Variants in MED13L observed in about 807,000 individuals in gnomAD.
MED13L encodes the protein mediator of RNA polymerase II transcription subunit 13-like.
Under a neutral mutation model 220.9 loss-of-function variants are expected in MED13L, and 7 were observed. That is an observed-to-expected ratio of 0.03 (90% CI 0.02 to 0.06). MED13L has a LOEUF of 0.06. MED13L is among the 10% of genes least tolerant of loss of function. The pLI, the probability that MED13L is intolerant of heterozygous loss-of-function variation, is 1.00. For missense variants in MED13L, 1,965 were observed against 2,760.5 expected (o/e 0.71, Z 6.46); for synonymous variants, 1,011 against 1,015.2 (o/e 1.00, Z 0.08).
chr12:116,149,580 T>A (rs1186258120), intron 2 of MED13L, among the ~76,000 whole-genome samples: 2 of 152,230 alleles, frequency 1.3e-5, no homozygotes, highest in African/African-American at 4.8e-5. Context: ...AAAAACAGTA[T>A]CCGGTATTTG....
At chr12:116,238,454 G>A (rs1477285789) in intron 1 of MED13L, among the ~76,000 whole-genome samples, 1 of 152,152 alleles carries the variant, frequency 6.6e-6, no homozygotes, top group Admixed American at 6.5e-5. Context: ...TAAGTTAAGA[G>A]CTAAACTTCA....
At chr12:116,138,127 A>C (rs61936962) in intron 2 of MED13L, among the ~76,000 whole-genome samples, 22,638 of 152,180 alleles carry the variant, frequency 0.15, 1,931 homozygotes, top group Middle Eastern at 0.22. Context: ...AAGTGCTGGG[A>C]TTGCAGGCGT....
chr12:116,079,456 G>A (rs558611677), intron 4 of MED13L, among the ~76,000 whole-genome samples: 1 of 152,190 alleles, frequency 6.6e-6, no homozygotes, highest in East Asian at 1.9e-4. Flanking sequence ...GAACTCCTAG[G>A]CTCAAGGGAT....
At position 116,223,738 on chromosome 12, in the gene MED13L, G is replaced by C. The variant is rs1868674441; in HGVS notation, c.310+13730C>G. On this transcript the variant is annotated intron_variant, in intron 2 of 30. Transcript: ENST00000281928. The stretch of plus-strand genomic sequence containing the variant: ...AATAAAAAATAAGATACTGCAAAAA[G>C]AGAAGAAAATTATATCACTGTTTTT... 2.6e-5 allele frequency among the ~76,000 whole-genome samples: 4 copies of C among 152,026 alleles called. No homozygotes were observed. In the East Asian group the frequency reaches 5.8e-4, roughly 22 times the overall value.
intron 1 of MED13L, among the ~76,000 whole-genome samples, chr12:116,265,869 C>T (rs1872793886): frequency 6.6e-6 from 1 of 152,210 alleles, no homozygotes; most frequent in Non-Finnish European, 1.5e-5. Context: ...GAATGCCCTT[C>T]CCCTTCTTCT....
intron 2 of MED13L, among the ~76,000 whole-genome samples, chr12:116,192,322 A>G (rs180831954): frequency 2.0e-5 from 3 of 152,352 alleles, no homozygotes; most frequent in Non-Finnish European, 2.9e-5. Context: ...TCTGTTAGTT[A>G]TATTTGTTTT....
chr12:116,012,741 T>A, intron 9 of MED13L, 56 bp downstream of exon 9: 1 of 1,220,514 alleles, frequency 8.2e-7, no homozygotes, highest in Non-Finnish European at 1.2e-6. Context: ...AGGAGATGAA[T>A]CAACAAGATG....
chr12:116,093,327 A>G (rs1314054881), intron 4 of MED13L, among the ~76,000 whole-genome samples: 1 of 152,176 alleles, frequency 6.6e-6, no homozygotes. Flanking sequence ...AAAGATGTCA[A>G]TATAGAGAAA....
chr12:116,244,031 A>G (rs1870880948), intron 1 of MED13L, among the ~76,000 whole-genome samples: 1 of 152,226 alleles, frequency 6.6e-6, no homozygotes, highest in Non-Finnish European at 1.5e-5. Flanking sequence ...AACTATTGAA[A>G]GAGTCCTCAG....
chr12:116,152,236 T>C (rs1387267848), intron 2 of MED13L, among the ~76,000 whole-genome samples: 1 of 152,176 alleles, frequency 6.6e-6, no homozygotes, highest in Non-Finnish European at 1.5e-5. Flanking sequence ...GAATAAAAAG[T>C]AGTTTTTGTA....
chr12:116,249,378 C>T (rs889231705), intron 1 of MED13L, among the ~76,000 whole-genome samples: 7 of 152,036 alleles, frequency 4.6e-5, no homozygotes, highest in African/African-American at 1.7e-4. Context: ...AACTACCAGC[C>T]AATACAAAAT....
At chr12:116,079,501 C>T (rs1871073540) in intron 4 of MED13L, among the ~76,000 whole-genome samples, 1 of 152,014 alleles carries the variant, frequency 6.6e-6, no homozygotes, top group Non-Finnish European at 1.5e-5. Flanking sequence ...GCTCAGATTA[C>T]GAGCATGAGC....
At chr12:115,980,656 T>C in intron 23 of MED13L, 94 bp downstream of exon 23, 1 of 1,370,462 alleles carries the variant, frequency 7.3e-7, no homozygotes, top group Non-Finnish European at 1.0e-6. Flanking sequence ...GAAGACCAAC[T>C]AAGCAACCAG....
At chr12:116,231,801 T>G (rs1869584841) in intron 2 of MED13L, among the ~76,000 whole-genome samples, 2 of 152,124 alleles carry the variant, frequency 1.3e-5, no homozygotes, top group Admixed American at 6.5e-5. Context: ...TCAAATAGTT[T>G]AGGTGGAAAA....
intron 2 of MED13L, among the ~76,000 whole-genome samples, chr12:116,223,729 C>G (rs954132179): frequency 6.6e-6 from 1 of 151,972 alleles, no homozygotes; most frequent in Non-Finnish European, 1.5e-5. Context: ...AAATAAGATA[C>G]TGCAAAAAGA....
At chr12:115,970,914 T>A (rs1305491897) in intron 26 of MED13L, 144 bp from the exon 27 acceptor site, 1 of 806,750 alleles carries the variant, frequency 1.2e-6, no homozygotes, top group Non-Finnish European at 2.0e-6. Flanking sequence ...TGTTTAAATA[T>A]CTTCAAAGAA....
intron 1 of MED13L, among the ~76,000 whole-genome samples, chr12:116,258,090 G>A (rs17427053): frequency 0.17 from 25,602 of 152,118 alleles, 2,401 homozygotes; most frequent in Middle Eastern, 0.27. Flanking sequence ...CAAAAGGCTC[G>A]AAAAAGAAAG....
At chr12:116,100,241 T>C (rs1447530104) in intron 3 of MED13L, among the ~76,000 whole-genome samples, 1 of 152,054 alleles carries the variant, frequency 6.6e-6, no homozygotes, top group East Asian at 1.9e-4. Context: ...GACTCAACAG[T>C]AGCCTATATA....
chr12:116,274,291 T>C (rs1873630808), intron 1 of MED13L, among the ~76,000 whole-genome samples: 1 of 152,054 alleles, frequency 6.6e-6, no homozygotes, highest in African/African-American at 2.4e-5. Flanking sequence ...TAAGCCATAA[T>C]GAACACCTCA....
Sources: allele counts gnomAD v4.1 joint callset (sites outside exome capture counted in the v4.1 genomes callset), GRCh38; gene constraint gnomAD v4.1.1; transcripts MANE v1.5; gene names NCBI Gene and HGNC (gene_info 2026-07-23, HGNC 2026-07-21).